Variants in TBC1D22B observed in about 807,000 individuals in gnomAD.
The protein encoded by TBC1D22B is chromosome 6 open reading frame 197.
In TBC1D22B, 32 loss-of-function variants were observed where a neutral mutation model predicts 69.1. That is an observed-to-expected ratio of 0.46 (90% CI 0.35 to 0.62). The LOEUF (loss-of-function observed/expected upper bound fraction) is 0.62, where lower values mean the gene tolerates loss of function less well. Among genes scored for constraint, TBC1D22B ranks in the 20% least tolerant of loss-of-function variants. The pLI, the probability that TBC1D22B is intolerant of heterozygous loss-of-function variation, is 0.00. For synonymous variants in TBC1D22B, 206 were observed against 229.8 expected, an observed-to-expected ratio of 0.90 and a Z score of 0.94; for missense variants, 462 against 630.9, an observed-to-expected ratio of 0.73 and a Z score of 2.87.
At chr6:37,305,130 G>A (rs1025762139) in intron 8 of TBC1D22B, among the ~76,000 whole-genome samples, 2 of 152,062 alleles carry the variant, frequency 1.3e-5, no homozygotes, top group Admixed American at 6.6e-5. Context: ...GATTGTGCTC[G>A]CCCCCCACGC....
At chr6:37,272,209 C>T (rs1230386211) in intron 2 of TBC1D22B, among the ~76,000 whole-genome samples, 12 of 151,970 alleles carry the variant, frequency 7.9e-5, no homozygotes, top group African/African-American at 2.4e-4. Flanking sequence ...GGACTACAGG[C>T]GTGCACCACC....
chr6:37,287,586 ATT>A (rs1394305523), intron 7 of TBC1D22B, among the ~76,000 whole-genome samples: 2 of 152,216 alleles, frequency 1.3e-5, no homozygotes, highest in Non-Finnish European at 2.9e-5. Context: ...GTCTCTAAGA[ATT>A]TGACTACTCC....
intron 8 of TBC1D22B, among the ~76,000 whole-genome samples, chr6:37,307,057 C>G (rs925473628): frequency 9.2e-5 from 14 of 152,048 alleles, no homozygotes; most frequent in Admixed American, 1.3e-4. Flanking sequence ...GCCTCTCCAC[C>G]CTCTCTACAC....
At chr6:37,278,236 G>A (rs897944807) in intron 2 of TBC1D22B, among the ~76,000 whole-genome samples, 5 of 152,172 alleles carry the variant, frequency 3.3e-5, no homozygotes, top group Non-Finnish European at 5.9e-5. Flanking sequence ...TGAGGCTGCC[G>A]TCACTTTGGC....
intron 11 of TBC1D22B, 137 bp downstream of exon 11, chr6:37,316,967 C>A: frequency 6.6e-7 from 1 of 1,513,286 alleles, no homozygotes; most frequent in Non-Finnish European, 9.0e-7. Flanking sequence ...AGCCTCAGGG[C>A]AGGGCCTTTG....
intron 7 of TBC1D22B, among the ~76,000 whole-genome samples, chr6:37,288,221 G>A (rs1175188795): frequency 6.6e-6 from 1 of 152,160 alleles, no homozygotes; most frequent in African/African-American, 2.4e-5. Flanking sequence ...AGATTTTGAA[G>A]GTAACATCAT....
intron 6 of TBC1D22B, among the ~76,000 whole-genome samples, chr6:37,285,276 T>C (rs1766967043): frequency 6.6e-6 from 1 of 151,174 alleles, no homozygotes; most frequent in Admixed American, 6.6e-5. Context: ...AACTTTCAGC[T>C]TCAGTTACTG....
chr6:37,324,711 C>T (rs1768343251), intron 12 of TBC1D22B, among the ~76,000 whole-genome samples: 1 of 152,154 alleles, frequency 6.6e-6, no homozygotes, highest in South Asian at 2.1e-4. Flanking sequence ...TTTATGACTT[C>T]TCTTCTTTTT....
At chr6:37,281,933 G>C (rs899107028) in intron 3 of TBC1D22B, among the ~76,000 whole-genome samples, 3 of 152,168 alleles carry the variant, frequency 2.0e-5, no homozygotes, top group Non-Finnish European at 4.4e-5. Context: ...AGTTGCTGCA[G>C]CATCTGGCGT....
intron 1 of TBC1D22B, chr6:37,258,303 C>G (rs1241558496): frequency 3.1e-6 from 1 of 322,600 alleles, no homozygotes; most frequent in Non-Finnish European, 5.8e-6. Flanking sequence ...CTCCCCAGAG[C>G]TGCTTCCCAC....
intron 8 of TBC1D22B, among the ~76,000 whole-genome samples, chr6:37,312,679 C>T (rs1454202661): frequency 6.6e-6 from 1 of 152,210 alleles, no homozygotes; most frequent in East Asian, 1.9e-4. Context: ...CCTGATGGGA[C>T]TAGCATGAGA....
chr6:37,305,155 C>T (rs927974311), intron 8 of TBC1D22B, among the ~76,000 whole-genome samples: 7 of 152,164 alleles, frequency 4.6e-5, no homozygotes, highest in South Asian at 4.1e-4. Flanking sequence ...TCCTGGGAGG[C>T]GGCATCCTCC....
chr6:37,273,409 G>C (rs1254009990), intron 2 of TBC1D22B, among the ~76,000 whole-genome samples: 1 of 152,186 alleles, frequency 6.6e-6, no homozygotes, highest in African/African-American at 2.4e-5. Context: ...AAGGCACTGA[G>C]TGTAGTGTCC....
chr6:37,314,765 T>C (rs149703), intron 10 of TBC1D22B, among the ~76,000 whole-genome samples: 133,684 of 148,774 alleles, frequency 0.9, 60,149 homozygotes, highest in African/African-American at 0.94. Flanking sequence ...CCTTTCTCCC[T>C]TACCTGCTGC....
At chr6:37,294,762 C>A (rs1213351116) in intron 8 of TBC1D22B, among the ~76,000 whole-genome samples, 1 of 152,156 alleles carries the variant, frequency 6.6e-6, no homozygotes, top group Non-Finnish European at 1.5e-5. Context: ...AAAAAGATTT[C>A]TTTTAAAATA....
intron 1 of TBC1D22B, among the ~76,000 whole-genome samples, chr6:37,263,354 A>G (rs1766168476): frequency 6.6e-6 from 1 of 152,252 alleles, no homozygotes; most frequent in African/African-American, 2.4e-5. Flanking sequence ...TGTTGAATGC[A>G]AAGAGCAAGA....
At chr6:37,329,484 T>A (rs1768521303) in intron 12 of TBC1D22B, among the ~76,000 whole-genome samples, 1 of 152,218 alleles carries the variant, frequency 6.6e-6, no homozygotes, top group African/African-American at 2.4e-5. Context: ...TGTGACTATT[T>A]CCCTAGGATA....
chr6:37,292,304 A>G (rs1016775984), intron 8 of TBC1D22B, among the ~76,000 whole-genome samples: 4 of 152,156 alleles, frequency 2.6e-5, no homozygotes, highest in African/African-American at 9.7e-5. Flanking sequence ...GAAATGGGTG[A>G]GAGTGGAACC....
chr6:37,290,503 A>G (rs1178137631), intron 7 of TBC1D22B, among the ~76,000 whole-genome samples: 1 of 152,192 alleles, frequency 6.6e-6, no homozygotes, highest in Non-Finnish European at 1.5e-5. Flanking sequence ...AAGGGACCAT[A>G]AAGATCTTTC....
Sources: gnomAD v4.1 joint callset for allele counts (sites outside exome capture counted in the v4.1 genomes callset) on GRCh38, gnomAD v4.1.1 for gene constraint, MANE v1.5 for transcripts, NCBI Gene and HGNC (gene_info 2026-07-23, HGNC 2026-07-21) for gene names.